Variants in NRXN1 observed in about 807,000 individuals in gnomAD.
NRXN1 encodes neurexin 1, also known as neurexin-1.
In NRXN1, 39 loss-of-function variants were observed where a neutral mutation model predicts 150.9. The ratio of observed to expected loss-of-function variants is 0.26; its 90% CI spans 0.20 to 0.34. NRXN1 has a LOEUF of 0.34. Ranked by LOEUF, NRXN1 falls within the 10% of genes least tolerant of loss-of-function variation. The pLI is 1.00. For synonymous variants in NRXN1, 924 were observed against 757.0 expected, an observed-to-expected ratio of 1.22 and a Z score of -3.62; for missense variants, 1,815 against 1,949.9, an observed-to-expected ratio of 0.93 and a Z score of 1.30.
intron 5 of NRXN1, chr2:50,913,133 A>G (rs1684761681): frequency 6.6e-6 from 1 of 151,856 alleles, no homozygotes; most frequent in African/African-American, 2.4e-5. Flanking sequence ...AAACACCTGA[A>G]AGACAGCTGT....
chr2:50,181,381 A>G (rs1003901278), intron 18 of NRXN1, among the ~76,000 whole-genome samples: 3 of 152,102 alleles, frequency 2.0e-5, no homozygotes, highest in Non-Finnish European at 2.9e-5. Context: ...ATATATGAAC[A>G]TGGTCTTATA....
intron 2 of NRXN1, among the ~76,000 whole-genome samples, chr2:50,975,468 A>G (rs1412737738): frequency 2.6e-5 from 4 of 152,112 alleles, no homozygotes; most frequent in African/African-American, 9.7e-5. Flanking sequence ...CTGGCACCAA[A>G]TGTCTTACAA....
chr2:50,043,731 T>G (rs550975248), intron 21 of NRXN1, among the ~76,000 whole-genome samples: 2 of 152,212 alleles, frequency 1.3e-5, no homozygotes, highest in Non-Finnish European at 2.9e-5. Flanking sequence ...GAATTTTAAA[T>G]GCTGGTCTAT....
At chr2:50,815,227 A>G (rs2105789248) in intron 5 of NRXN1, among the ~76,000 whole-genome samples, 1 of 152,286 alleles carries the variant, frequency 6.6e-6, no homozygotes, top group Middle Eastern at 3.4e-3. Context: ...GCAGGTACAC[A>G]AGACAAGACA....
intron 21 of NRXN1, among the ~76,000 whole-genome samples, chr2:50,014,022 C>T (rs1686152183): frequency 6.6e-6 from 1 of 151,830 alleles, no homozygotes; most frequent in Admixed American, 6.6e-5. Context: ...TAGTAGGAGG[C>T]TGATCCAGAA....
chr2:50,108,146 A>C (rs996407704), intron 18 of NRXN1, among the ~76,000 whole-genome samples: 1 of 152,072 alleles, frequency 6.6e-6, no homozygotes, highest in South Asian at 2.1e-4. Context: ...ATAGAAAAGT[A>C]TAACTCCCCT....
chr2:50,712,529 T>G (rs1425676020), intron 5 of NRXN1, among the ~76,000 whole-genome samples: 1 of 152,172 alleles, frequency 6.6e-6, no homozygotes, highest in Non-Finnish European at 1.5e-5. Context: ...TGTCCTTATA[T>G]ATCCTTTTGC....
chr2:50,598,612 A>G (rs10170990), intron 8 of NRXN1, among the ~76,000 whole-genome samples: 81,623 of 145,696 alleles, frequency 0.56, 23,188 homozygotes, highest in East Asian at 0.77. Context: ...GTATATATAC[A>G]TATATATACA....
intron 22 of NRXN1, among the ~76,000 whole-genome samples, chr2:49,925,865 AG>A (rs1051585552): frequency 2.6e-4 from 40 of 152,306 alleles, no homozygotes; most frequent in African/African-American, 9.4e-4. Flanking sequence ...AGAATAAGGG[AG>A]GGGGAGCTAA....
chr2:50,358,221 G>A (rs946030849), intron 17 of NRXN1, among the ~76,000 whole-genome samples: 2 of 152,174 alleles, frequency 1.3e-5, no homozygotes, highest in African/African-American at 4.8e-5. Flanking sequence ...TCGAACGTCA[G>A]CGAGACAGAA....
intron 10 of NRXN1, among the ~76,000 whole-genome samples, chr2:50,532,008 G>C (rs549985916): frequency 1.1e-4 from 16 of 152,106 alleles, no homozygotes; most frequent in African/African-American, 3.9e-4. Context: ...ACCATGCCAG[G>C]CTAGCTTATT....
At chr2:50,372,667 G>A (rs2080114874) in intron 17 of NRXN1, among the ~76,000 whole-genome samples, 1 of 152,054 alleles carries the variant, frequency 6.6e-6, no homozygotes, top group Admixed American at 6.6e-5. Context: ...AGATTTACTT[G>A]ATTACAAAGT....
At chr2:50,320,442 T>C (rs1309888726) in intron 17 of NRXN1, among the ~76,000 whole-genome samples, 1 of 150,700 alleles carries the variant, frequency 6.6e-6, no homozygotes, top group Non-Finnish European at 1.5e-5. Context: ...AGAGAATGTA[T>C]ACATTTAAAG....
chr2:50,408,139 T>G (rs13395992), intron 17 of NRXN1, among the ~76,000 whole-genome samples: 16,052 of 152,236 alleles, frequency 0.11, 1,173 homozygotes, highest in East Asian at 0.24. Context: ...CTCCAAGATC[T>G]TACCATCTGG....
chr2:50,204,362 GT>G, intron 18 of NRXN1, among the ~76,000 whole-genome samples: 1 of 80,696 alleles, frequency 1.2e-5, no homozygotes, highest in East Asian at 5.4e-4. Context: ...GTGTGTGTGT[GT>G]GTGTGTGTGT....
chr2:50,640,597 T>C (rs1042063905), intron 5 of NRXN1, among the ~76,000 whole-genome samples: 6 of 152,170 alleles, frequency 3.9e-5, no homozygotes, highest in African/African-American at 1.4e-4. Context: ...CCAATATTTA[T>C]GTAAAACCAC....
intron 21 of NRXN1, among the ~76,000 whole-genome samples, chr2:50,047,216 A>G (rs923435805): frequency 1.3e-5 from 2 of 152,076 alleles, no homozygotes; most frequent in Non-Finnish European, 2.9e-5. Flanking sequence ...AAAAGTGGGC[A>G]GCATAGCCTT....
chr2:50,986,265 C>G (rs1446368699), intron 2 of NRXN1, among the ~76,000 whole-genome samples: 1 of 151,610 alleles, frequency 6.6e-6, no homozygotes, highest in Non-Finnish European at 1.5e-5. Flanking sequence ...TTAGGAGAGA[C>G]TCTTGTAACG....
chr2:50,042,038 C>T (rs914951931), intron 21 of NRXN1, among the ~76,000 whole-genome samples: 12 of 152,162 alleles, frequency 7.9e-5, no homozygotes, highest in Non-Finnish European at 1.6e-4. Flanking sequence ...TCCTGCATAT[C>T]GCATCCACCC....
Sources: gnomAD v4.1 joint callset for allele counts (sites outside exome capture counted in the v4.1 genomes callset) on GRCh38, gnomAD v4.1.1 for gene constraint, MANE v1.5 for transcripts, NCBI Gene and HGNC (gene_info 2026-07-23, HGNC 2026-07-21) for gene names.